The following WSCD2 variants were observed in gnomAD, a reference collection of about 807,000 sequenced individuals.
The protein encoded by WSCD2 is WSC domain sialate O sulfotransferase 2.
WSCD2 carries 28 observed loss-of-function variants against 55.7 expected under a neutral mutation model. The observed-to-expected ratio is 0.50, with a 90% CI of 0.37 to 0.69. WSCD2 has a LOEUF of 0.69. Among genes scored for constraint, WSCD2 ranks in the 30% least tolerant of loss-of-function variants. WSCD2 has a pLI of 0.00. For missense variants in WSCD2, 616 were observed against 762.1 expected (o/e 0.81, Z 2.26); for synonymous variants, 301 against 301.9 (o/e 1.00, Z 0.03).
chr12:108,166,817 C>CTT (rs550529805), intron 1 of WSCD2, among the ~76,000 whole-genome samples: 22 of 103,728 alleles, frequency 2.1e-4, no homozygotes, highest in Non-Finnish European at 3.6e-4. Flanking sequence ...CTCTTTTTTT[C>CTT]TTTTTTTTTT....
chr12:108,224,606 ATC>A (rs781367413), intron 4 of WSCD2, 131 bp from the exon 5 acceptor site: 378 of 1,206,774 alleles, frequency 3.1e-4, no homozygotes, highest in Non-Finnish European at 4.1e-4. Context: ...CACTCTTTCC[ATC>A]TCTGCTTTGG....
intron 4 of WSCD2, among the ~76,000 whole-genome samples, chr12:108,212,149 C>T (rs1886272310): frequency 6.6e-6 from 1 of 152,164 alleles, no homozygotes; most frequent in South Asian, 2.1e-4. Context: ...ATGTGAAATC[C>T]AGGCCAGAGA....
At chr12:108,151,683 C>G (rs778729442) in intron 1 of WSCD2, among the ~76,000 whole-genome samples, 3 of 152,180 alleles carry the variant, frequency 2.0e-5, no homozygotes, top group African/African-American at 7.2e-5. Flanking sequence ...GGGAATCTCC[C>G]GGAATGCCAT....
intron 1 of WSCD2, among the ~76,000 whole-genome samples, chr12:108,183,395 TG>T (rs1882055457): frequency 6.6e-6 from 1 of 152,118 alleles, no homozygotes; most frequent in African/African-American, 2.4e-5. Context: ...GTGTATGTGC[TG>T]GGGGTGAGGG....
intron 3 of WSCD2, among the ~76,000 whole-genome samples, chr12:108,207,425 A>G (rs1885536719): frequency 1.3e-5 from 2 of 151,244 alleles, no homozygotes; most frequent in Admixed American, 1.3e-4. Flanking sequence ...GCTGGAGTGC[A>G]GTGGCATAAT....
At chr12:108,163,057 A>G (rs1451083515) in intron 1 of WSCD2, among the ~76,000 whole-genome samples, 1 of 152,224 alleles carries the variant, frequency 6.6e-6, no homozygotes. Context: ...TCCTATGGAC[A>G]TGAAGCTAAT....
At chr12:108,211,254 C>A (rs1886102648) in intron 4 of WSCD2, among the ~76,000 whole-genome samples, 1 of 152,186 alleles carries the variant, frequency 6.6e-6, no homozygotes. Flanking sequence ...CTGGGGGTTA[C>A]CCCTCCCACA....
chr12:108,201,526 C>T (rs555552568), intron 2 of WSCD2, among the ~76,000 whole-genome samples: 10 of 90,904 alleles, frequency 1.1e-4, no homozygotes, highest in East Asian at 4.6e-4. Context: ...GGGTGGGGGG[C>T]GGGACAGGGC....
intron 1 of WSCD2, among the ~76,000 whole-genome samples, chr12:108,193,045 G>T (rs1309718235): frequency 6.6e-6 from 1 of 152,114 alleles, no homozygotes. Flanking sequence ...GTGGCACTGG[G>T]TTTACCATCC....
chr12:108,207,851 G>A (rs989134831), intron 3 of WSCD2, among the ~76,000 whole-genome samples: 2 of 151,942 alleles, frequency 1.3e-5, no homozygotes, highest in South Asian at 2.1e-4. Flanking sequence ...GCAGGGGGGC[G>A]GGGGAAACAG....
chr12:108,174,487 T>C (rs1173715073), intron 1 of WSCD2, among the ~76,000 whole-genome samples: 1 of 152,166 alleles, frequency 6.6e-6, no homozygotes, highest in African/African-American at 2.4e-5. Context: ...AGTCCCCACA[T>C]GGTAGCCAGA....
At chr12:108,167,564 C>T (rs539938832) in intron 1 of WSCD2, 4 of 152,168 alleles carry the variant, frequency 2.6e-5, no homozygotes, top group African/African-American at 4.8e-5. Context: ...CATCAAAATT[C>T]GCAAGGGATT....
intron 4 of WSCD2, among the ~76,000 whole-genome samples, chr12:108,214,715 C>A (rs554819558): frequency 2.6e-5 from 4 of 152,304 alleles, no homozygotes; most frequent in African/African-American, 9.6e-5. Context: ...CTGCCTAAAA[C>A]CCCAATGATG....
intron 8 of WSCD2, 48 bp downstream of exon 8, chr12:108,240,592 C>A (rs1889657474): frequency 4.1e-6 from 2 of 484,814 alleles, no homozygotes; most frequent in Non-Finnish European, 5.5e-6. Context: ...CTTCGGGCTG[C>A]AGGGGGCGGT....
intron 1 of WSCD2, among the ~76,000 whole-genome samples, chr12:108,158,022 C>T (rs549436648): frequency 6.6e-6 from 1 of 152,286 alleles, no homozygotes; most frequent in East Asian, 1.9e-4. Flanking sequence ...GAGGCTGGTA[C>T]CATGTCAGCC....
chr12:108,224,776 C>T lies in WSCD2; in HGVS notation c.720C>T (p.Pro240=), dbSNP rs199888315. ...TGTTCCGGGGCTGCTTCCGCAGGCC[C>T]GACAACCTTTCCCTGGCCTTACCCG... ...SAVFRGCFRR[P]DNLSLALPVT... Residue 240 remains proline (P), a synonymous_variant, in exon 5 of 9, where the codon CCC becomes CCT. Transcript: ENST00000547525. The T allele has an allele frequency of 2.8e-5, 45 of 1,613,368 alleles. No homozygotes were observed. The highest frequency in any genetic ancestry group is 2.0e-4 in the African/African-American group (15 of 74,942).
At chr12:108,144,640 C>A (rs1368359762) in intron 1 of WSCD2, among the ~76,000 whole-genome samples, 1 of 152,128 alleles carries the variant, frequency 6.6e-6, no homozygotes, top group Non-Finnish European at 1.5e-5. Context: ...GGAGCTCCTG[C>A]CTTCTAGGTG....
At chr12:108,164,138 C>CTTTTTTT in intron 1 of WSCD2, among the ~76,000 whole-genome samples, 762 of 71,720 alleles carry the variant, frequency 0.011, 240 homozygotes, top group African/African-American at 0.034. Flanking sequence ...AATCTTAAAT[C>CTTTTTTT]CTTTTTTTTT....
chr12:108,233,331 C>T (rs796502879), intron 7 of WSCD2, among the ~76,000 whole-genome samples: 1 of 152,354 alleles, frequency 6.6e-6, no homozygotes, highest in African/African-American at 2.4e-5. Flanking sequence ...GTCCTCTCCA[C>T]ATTTAAGTCG....
Sources: allele counts gnomAD v4.1 joint callset (sites outside exome capture counted in the v4.1 genomes callset), GRCh38; gene constraint gnomAD v4.1.1; transcripts MANE v1.5; gene names NCBI Gene and HGNC (gene_info 2026-07-23, HGNC 2026-07-21).